MED13: variants seen among roughly 807,000 people sequenced by gnomAD.
MED13 encodes the protein mediator of RNA polymerase II transcription subunit 13.
MED13 carries 23 observed loss-of-function variants against 225.2 expected under a neutral mutation model. That is an observed-to-expected ratio of 0.10 (90% CI 0.07 to 0.14). The LOEUF (loss-of-function observed/expected upper bound fraction) is 0.14. MED13 is among the 10% of genes least tolerant of loss of function. The pLI is 1.00. For missense variants in MED13, 2,197 were observed against 2,594.5 expected, an observed-to-expected ratio of 0.85 and a Z score of 3.33; for synonymous variants, 942 against 889.2, an observed-to-expected ratio of 1.06 and a Z score of -1.06.
At chr17:61,973,459 G>A (rs2080126622) in intron 16 of MED13, among the ~76,000 whole-genome samples, 1 of 151,902 alleles carries the variant, frequency 6.6e-6, no homozygotes, top group African/African-American at 2.4e-5. Flanking sequence ...ATCAAATTAT[G>A]ACCTGCATTT....
At chr17:61,991,373 C>G (rs2080297298) in intron 11 of MED13, among the ~76,000 whole-genome samples, 1 of 151,792 alleles carries the variant, frequency 6.6e-6, no homozygotes, top group African/African-American at 2.4e-5. Flanking sequence ...CCTGCCTCGG[C>G]CTTACAGGTG....
chr17:62,041,314 G>A (rs1276327917), intron 3 of MED13, among the ~76,000 whole-genome samples: 4 of 152,122 alleles, frequency 2.6e-5, no homozygotes, highest in Non-Finnish European at 5.9e-5. Context: ...ACTCATATGA[G>A]GTACCTGCAA....
chr17:62,058,535 A>AG (rs1483164417), intron 2 of MED13, among the ~76,000 whole-genome samples: 4 of 151,174 alleles, frequency 2.6e-5, no homozygotes, highest in South Asian at 2.1e-4. Flanking sequence ...AAAAAAAAAA[A>AG]AAAAAAAGAA....
chr17:62,025,123 A>C (rs1387171813), intron 8 of MED13, among the ~76,000 whole-genome samples: 3 of 152,194 alleles, frequency 2.0e-5, no homozygotes, highest in African/African-American at 7.2e-5. Context: ...TTAGTCTTAG[A>C]CCAGGGATTA....
chr17:61,958,298 G>C (rs1007752966), intron 23 of MED13, among the ~76,000 whole-genome samples: 5 of 152,140 alleles, frequency 3.3e-5, no homozygotes, highest in Non-Finnish European at 5.9e-5. Context: ...CTCCTGAGTA[G>C]CTGGGACTAC....
chr17:61,948,999 A>C (rs1027684079), intron 28 of MED13, among the ~76,000 whole-genome samples: 4 of 150,094 alleles, frequency 2.7e-5, no homozygotes, highest in Admixed American at 1.3e-4. Context: ...GAGGCAGGAG[A>C]ATGGCGTGAA....
chr17:62,035,651 C>A, intron 3 of MED13, 43 bp from the exon 4 acceptor site: 1 of 1,546,908 alleles, frequency 6.5e-7, no homozygotes. Context: ...TGACTAGTGG[C>A]CAAAAATGTT....
At chr17:62,017,394 A>T (rs1054149896) in intron 8 of MED13, among the ~76,000 whole-genome samples, 5 of 152,168 alleles carry the variant, frequency 3.3e-5, no homozygotes, top group Non-Finnish European at 7.4e-5. Flanking sequence ...CAAACTTCTA[A>T]ATCAAGAGAA....
intron 2 of MED13, among the ~76,000 whole-genome samples, chr17:62,062,742 C>G (rs2081051107): frequency 6.6e-6 from 1 of 152,072 alleles, no homozygotes; most frequent in Admixed American, 6.6e-5. Flanking sequence ...AACTATTACA[C>G]GACTTTGTTA....
chr17:61,956,639 A>G (rs1483697192), intron 23 of MED13, among the ~76,000 whole-genome samples, 158 bp from the exon 24 acceptor site: 1 of 152,014 alleles, frequency 6.6e-6, no homozygotes, highest in Non-Finnish European at 1.5e-5. Context: ...TCACGGGTTT[A>G]AGTGATTCTC....
At chr17:62,019,189 T>G (rs1264495601) in intron 8 of MED13, among the ~76,000 whole-genome samples, 1 of 152,252 alleles carries the variant, frequency 6.6e-6, no homozygotes, top group African/African-American at 2.4e-5. Context: ...ATAGGCCGAA[T>G]GCAGAAGCAG....
intron 3 of MED13, among the ~76,000 whole-genome samples, chr17:62,038,759 A>T (rs891395215): frequency 6.6e-6 from 1 of 151,894 alleles, no homozygotes; most frequent in Non-Finnish European, 1.5e-5. Flanking sequence ...AAACTACTGG[A>T]CTCAAGAAAT....
At chr17:62,017,772 ATT>A (rs1037292254) in intron 8 of MED13, among the ~76,000 whole-genome samples, 1 of 152,188 alleles carries the variant, frequency 6.6e-6, no homozygotes, top group Non-Finnish European at 1.5e-5. Flanking sequence ...AGCAAAAATA[ATT>A]TTTATTAATC....
rs1333108434 is a variant in MED13, at chr17:61,982,548, T to C, written c.3455A>G (p.Asn1152Ser). The C allele has an allele frequency of 6.2e-7, 1 of 1,614,216 alleles. No individual in the cohort carries two copies. The highest frequency in any genetic ancestry group is 8.5e-7 in the Non-Finnish European group (1 of 1,180,028). Residue 1152 changes from asparagine (N) to serine (S), a missense_variant, in exon 16 of 30, where the codon AAT becomes AGT. Physicochemically the swap from Asn to Ser is conservative, Grantham distance 46. Coordinates refer to ENST00000397786, the MANE Select transcript of MED13 (RefSeq NM_005121.3). ...LEDELDIIGR[N>S]TDCGKEAEKR... is the part of the protein sequence containing the mutation. ...TTCTGCTTCTTTGCCACAGTCTGTA[T>C]TGCGTCCTATGATATCTAGTTCATC...
rs140988479 is a variant in MED13, at chr17:62,037,915, C to G, written c.471-2307G>C. ...AGATTGCAGTGGGTTGAGATCTTGC[C>G]ACTGCACTTCAGCCTGGGCAACAGA... On this transcript the variant is annotated intron_variant, in intron 3 of 29. Transcript: ENST00000397786. 2.1e-3 allele frequency among the ~76,000 whole-genome samples: 286 copies of G among 136,012 alleles called. 1 individual carries two copies. Among genetic ancestry groups the G allele is most frequent in the African/African-American group, 7.1e-3 (251 of 35,540 alleles). 89.2% of individuals were successfully genotyped at this position (136,012 alleles called of 152,430 possible).
chr17:61,966,330 A>T, intron 19 of MED13, 132 bp downstream of exon 19: 1 of 738,844 alleles, frequency 1.4e-6, no homozygotes, highest in Non-Finnish European at 2.2e-6. Context: ...ATGTTGTAGC[A>T]CAAAAGCAGC....
At chr17:62,015,924 A>T (rs1335358632) in intron 8 of MED13, among the ~76,000 whole-genome samples, 1 of 5,142 alleles carries the variant, frequency 1.9e-4, no homozygotes, top group Non-Finnish European at 5.3e-4. Flanking sequence ...ACATATATAT[A>T]TATATATATA....
chr17:61,960,731 A>C, intron 23 of MED13, 136 bp downstream of exon 23: 1 of 541,484 alleles, frequency 1.8e-6, no homozygotes, highest in Non-Finnish European at 3.1e-6. Flanking sequence ...CTAAAGAAAA[A>C]AGTAAAAAGC....
intron 18 of MED13, among the ~76,000 whole-genome samples, chr17:61,967,090 A>G (rs1357658939): frequency 6.6e-6 from 1 of 152,202 alleles, no homozygotes; most frequent in African/African-American, 2.4e-5. Flanking sequence ...AAATATATTT[A>G]TACACCTTCT....
Sources: allele counts gnomAD v4.1 joint callset (sites outside exome capture counted in the v4.1 genomes callset), GRCh38; gene constraint gnomAD v4.1.1; transcripts MANE v1.5; gene names NCBI Gene and HGNC (gene_info 2026-07-23, HGNC 2026-07-21).